The following CDH7 variants were observed in gnomAD, a reference collection of about 807,000 sequenced individuals.
CDH7 encodes cadherin-7.
Under a neutral mutation model 71.8 loss-of-function variants are expected in CDH7, and 25 were observed. The ratio of observed to expected loss-of-function variants is 0.35; its 90% confidence interval spans 0.25 to 0.49. The LOEUF (loss-of-function observed/expected upper bound fraction) is 0.49. CDH7 is among the 20% of genes least tolerant of loss of function. The pLI, the probability that CDH7 is intolerant of heterozygous loss-of-function variation, is 0.99. For synonymous variants in CDH7, 381 were observed against 363.8 expected (o/e 1.05, Z -0.54); for missense variants, 862 against 974.6 (o/e 0.88, Z 1.54).
rs1913688742 is a variant in CDH7 at position 65,864,455 on chromosome 18, C to T, written c.1864+1538C>T. Among the ~76,000 whole-genome samples the T allele has an allele frequency of 2.7e-5, 4 of 149,332 alleles. No homozygotes were observed. The South Asian group carries it at 8.4e-4, about 31-fold the overall frequency. On this transcript the variant is annotated intron_variant, in intron 11 of 11. Transcript: ENST00000397968. ...TATTGTTAGTCTATTTTATGTGTGG[C>T]CTAAGACAAGTATTCTTCTTCCAAT...
At chr18:65,825,094 T>C (rs1439633248) in intron 6 of CDH7, among the ~76,000 whole-genome samples, 1 of 151,930 alleles carries the variant, frequency 6.6e-6, no homozygotes. Flanking sequence ...ACTGGCAATG[T>C]GCTGTTTTAA....
At position 65,877,242 on chromosome 18, in the gene CDH7, A is replaced by C. The variant is rs144769026; in HGVS notation, c.1865-3159A>C. Among the ~76,000 whole-genome samples, 689 of 152,242 alleles carry C rather than the reference A, an allele frequency of 4.5e-3. 1 individual carries two copies. The highest frequency in any genetic ancestry group is 7.8e-3 in the Admixed American group (119 of 15,280). On this transcript the variant is annotated intron_variant, in intron 11 of 11. Transcript: ENST00000397968. Reference sequence around the variant, plus strand: ...ATTGGGAAATAAAGCAAACTGCATAACACATTAATATCCTTGATGTGTATT... The same window carrying C: ...ATTGGGAAATAAAGCAAACTGCATACCACATTAATATCCTTGATGTGTATT...
At chr18:65,753,281 T>C (rs908037337) in intron 1 of CDH7, among the ~76,000 whole-genome samples, 1 of 152,246 alleles carries the variant, frequency 6.6e-6, no homozygotes, top group Admixed American at 6.5e-5. Flanking sequence ...TATATTTTTG[T>C]GTTGAGCAAA....
rs148256137 is a variant in CDH7 at position 65,819,200 on chromosome 18, CCT to C, written c.626-2878_626-2877del. ...GTTGCAATGACCTGGAAGTTACTGC[CCT>C]CTTTCCTAGAAATTTCAAAATAATC... On this transcript the variant is annotated intron_variant, in intron 4 of 11. Transcript: ENST00000397968. Among the ~76,000 whole-genome samples, 474 of 152,226 alleles carry C rather than the reference CCT, an allele frequency of 3.1e-3. 3 individuals are homozygous for C. Among genetic ancestry groups the C allele is most frequent in the African/African-American group, 0.011 (452 of 41,526 alleles).
intron 1 of CDH7, among the ~76,000 whole-genome samples, chr18:65,751,665 G>C (rs1188744385): frequency 6.6e-6 from 1 of 152,178 alleles, no homozygotes; most frequent in Non-Finnish European, 1.5e-5. Context: ...TGAAGGTGGA[G>C]CTCACTTCAG....
intron 2 of CDH7, among the ~76,000 whole-genome samples, chr18:65,785,660 CTT>C (rs1568184510): frequency 6.6e-6 from 1 of 151,612 alleles, no homozygotes; most frequent in African/African-American, 2.4e-5. Context: ...TTTAGGGAAA[CTT>C]AATATATAAT....
At chr18:65,759,742 C>T (rs1010907691) in intron 1 of CDH7, among the ~76,000 whole-genome samples, 3 of 152,164 alleles carry the variant, frequency 2.0e-5, no homozygotes, top group African/African-American at 4.8e-5. Context: ...AATCCAAGGT[C>T]GTACAAAGTG....
At chr18:65,848,140 C>T (rs956552871) in intron 7 of CDH7, among the ~76,000 whole-genome samples, 9 of 152,056 alleles carry the variant, frequency 5.9e-5, no homozygotes, top group Non-Finnish European at 1.2e-4. Flanking sequence ...TGATTCTGGT[C>T]ACGTTTCTGA....
intron 2 of CDH7, among the ~76,000 whole-genome samples, chr18:65,785,245 A>G (rs1173272206): frequency 6.6e-6 from 1 of 152,044 alleles, no homozygotes; most frequent in Non-Finnish European, 1.5e-5. Flanking sequence ...TCATATATAT[A>G]TATATTATTA....
intron 2 of CDH7, among the ~76,000 whole-genome samples, chr18:65,784,113 A>ATTTTTTT (rs72393865): frequency 6.8e-4 from 73 of 106,746 alleles, no homozygotes; most frequent in African/African-American, 1.2e-3. Context: ...ACCCACAGCT[A>ATTTTTTT]TTTTTTTTTT....
At chr18:65,828,113 C>G (rs78961990) in intron 6 of CDH7, among the ~76,000 whole-genome samples, 7,045 of 151,462 alleles carry the variant, frequency 0.047, 309 homozygotes, top group African/African-American at 0.11. Context: ...CCAAAGCTCC[C>G]TCCACCTCCA....
chr18:65,756,132 A>G (rs567288979), intron 1 of CDH7, among the ~76,000 whole-genome samples: 4 of 152,172 alleles, frequency 2.6e-5, no homozygotes, highest in Non-Finnish European at 5.9e-5. Flanking sequence ...CTACTTAAAG[A>G]TTCATTAAAA....
At chr18:65,756,010 A>C (rs1568168437) in intron 1 of CDH7, among the ~76,000 whole-genome samples, 1 of 152,196 alleles carries the variant, frequency 6.6e-6, no homozygotes, top group African/African-American at 2.4e-5. Context: ...AAACAAAACA[A>C]AACAAAAACT....
At chr18:65,811,939 A>G (rs1004190449) in intron 3 of CDH7, among the ~76,000 whole-genome samples, 2 of 149,798 alleles carry the variant, frequency 1.3e-5, no homozygotes, top group Admixed American at 1.3e-4. Flanking sequence ...ATGCTGTTTC[A>G]TATCACAGTA....
intron 11 of CDH7, among the ~76,000 whole-genome samples, chr18:65,873,509 T>A (rs1382397936): frequency 1.3e-5 from 2 of 152,230 alleles, no homozygotes; most frequent in Non-Finnish European, 2.9e-5. Flanking sequence ...TATTATCATT[T>A]TAATATGTGA....
intron 11 of CDH7, chr18:65,866,433 G>A (rs1023821305): frequency 1.3e-5 from 2 of 149,938 alleles, no homozygotes; most frequent in Non-Finnish European, 3.0e-5. Context: ...GTGTTCCAGT[G>A]ATGTGACTAA....
At chr18:65,822,349 T>C in intron 5 of CDH7, 101 bp downstream of exon 5, 1 of 874,324 alleles carries the variant, frequency 1.1e-6, no homozygotes, top group Non-Finnish European at 1.7e-6. Flanking sequence ...CTAAAGCAAA[T>C]AATTGTCTTA....
intron 3 of CDH7, 99 bp downstream of exon 3, chr18:65,810,097 T>A (rs1599022089): frequency 1.0e-6 from 1 of 967,898 alleles, no homozygotes; most frequent in East Asian, 2.4e-5. Context: ...AAAAAAAACC[T>A]TACTAGTATG....
chr18:65,772,414 A>G (rs1339359794), intron 2 of CDH7, among the ~76,000 whole-genome samples: 1 of 152,194 alleles, frequency 6.6e-6, no homozygotes, highest in Non-Finnish European at 1.5e-5. Flanking sequence ...CGCAGTTTAC[A>G]TAAATTTCTC....
Sources: allele counts gnomAD v4.1 joint callset (sites outside exome capture counted in the v4.1 genomes callset), GRCh38; gene constraint gnomAD v4.1.1; transcripts MANE v1.5; gene names NCBI Gene and HGNC (gene_info 2026-07-23, HGNC 2026-07-21).